HIVEP1: variants seen among roughly 807,000 people sequenced by gnomAD.
The protein encoded by HIVEP1 is zinc finger protein 40.
Under a neutral mutation model 180.0 loss-of-function variants are expected in HIVEP1, and 36 were observed. That is an observed-to-expected ratio of 0.20 (90% confidence interval 0.15 to 0.26). The LOEUF (loss-of-function observed/expected upper bound fraction) is 0.26, where lower values mean the gene tolerates loss of function less well. Ranked by LOEUF, HIVEP1 falls within the 10% of genes least tolerant of loss-of-function variation. The pLI, the probability that HIVEP1 is intolerant of heterozygous loss-of-function variation, is 1.00. For missense variants in HIVEP1, 3,143 were observed against 3,268.7 expected, an observed-to-expected ratio of 0.96 and a Z score of 0.94; for synonymous variants, 1,239 against 1,239.0, an observed-to-expected ratio of 1.00 and a Z score of 0.00.
chr6:12,036,542 A>C (rs1224352336), intron 2 of HIVEP1, among the ~76,000 whole-genome samples: 1 of 152,188 alleles, frequency 6.6e-6, no homozygotes, highest in African/African-American at 2.4e-5. Context: ...CCAGGGATGC[A>C]CAGCCCCTTG....
chr6:12,147,643 A>G (rs1464120381), intron 7 of HIVEP1, among the ~76,000 whole-genome samples: 1 of 152,158 alleles, frequency 6.6e-6, no homozygotes. Flanking sequence ...AATAATACTA[A>G]TACTCCCACA....
At chr6:12,071,864 T>G (rs1771991055) in intron 2 of HIVEP1, among the ~76,000 whole-genome samples, 1 of 152,234 alleles carries the variant, frequency 6.6e-6, no homozygotes, top group South Asian at 2.1e-4. Flanking sequence ...GTAATCTGTT[T>G]TATTTATACA....
chr6:12,187,127 A>G, the HIVEP1 span, among the ~76,000 whole-genome samples: 1 of 152,182 alleles, frequency 6.6e-6, no homozygotes, highest in African/African-American at 2.4e-5. Flanking sequence ...GGTTGGTTGA[A>G]ATATTATCAA....
At chr6:12,012,734 G>A in intron 1 of HIVEP1, 168 bp downstream of exon 1, 1 of 152,592 alleles carries the variant, frequency 6.6e-6, no homozygotes, top group South Asian at 2.1e-4. Flanking sequence ...GGGGATGGCT[G>A]CGTGCGGGAG....
intron 7 of HIVEP1, 24 bp downstream of exon 7, chr6:12,135,916 C>A: frequency 1.4e-6 from 2 of 1,429,550 alleles, no homozygotes; most frequent in Non-Finnish European, 2.0e-6. Context: ...CCATATTTTT[C>A]ATAAATGCTA....
At chr6:12,016,578 A>G (rs1767764702) in intron 2 of HIVEP1, among the ~76,000 whole-genome samples, 1 of 152,180 alleles carries the variant, frequency 6.6e-6, no homozygotes, top group Admixed American at 6.5e-5. Flanking sequence ...TGATCTTTGA[A>G]AATGCAGTCA....
chr6:12,010,148 A>C (rs892088020), upstream of HIVEP1, among the ~76,000 whole-genome samples: 1 of 152,242 alleles, frequency 6.6e-6, no homozygotes, highest in Non-Finnish European at 1.5e-5. Context: ...AACCTATTGG[A>C]TATCATTTCA....
rs762343544 is a variant in HIVEP1, at chr6:12,125,363, G to A, written c.5568G>A (p.Gln1856=). The change falls in exon 4 of 9, where the codon CAG becomes CAA. Residue 1856 remains glutamine, a synonymous_variant. Transcript: ENST00000379388. ...FVVIEPISEL[Q]EFENIKSSTS... ...TTATAGAACCTATAAGTGAATTGCA[G>A]GAATTTGAAAACATCAAGTCATCCA... The A allele has an allele frequency of 1.2e-6, 2 of 1,613,994 alleles. No homozygotes were observed. The highest frequency in any genetic ancestry group is 2.2e-5 in the East Asian group (1 of 44,898).
chr6:12,032,139 C>CTTTT (rs71877836), intron 2 of HIVEP1, among the ~76,000 whole-genome samples: 7 of 133,724 alleles, frequency 5.2e-5, no homozygotes, highest in Admixed American at 1.5e-4. Context: ...CACTGATAAC[C>CTTTT]TTTTTTTTTT....
intron 8 of HIVEP1, among the ~76,000 whole-genome samples, chr6:12,162,763 A>T (rs16872341): frequency 0.037 from 5,705 of 152,276 alleles, 119 homozygotes; most frequent in Non-Finnish European, 0.046. Context: ...CATTTCATAA[A>T]CTTGCAAGTG....
chr6:12,112,513 G>C (rs1209994236), intron 3 of HIVEP1, among the ~76,000 whole-genome samples: 1 of 151,878 alleles, frequency 6.6e-6, no homozygotes, highest in Non-Finnish European at 1.5e-5. Context: ...GAAAATTCTT[G>C]GCCATTATTT....
At chr6:12,126,915 A>G (rs7765034) in intron 4 of HIVEP1, among the ~76,000 whole-genome samples, 6,253 of 152,126 alleles carry the variant, frequency 0.041, 407 homozygotes, top group African/African-American at 0.14. Context: ...CTGGAGTGCA[A>G]TGGTGCGCTC....
chr6:12,051,763 G>C (rs572751729), intron 2 of HIVEP1, among the ~76,000 whole-genome samples: 1 of 151,754 alleles, frequency 6.6e-6, no homozygotes, highest in Non-Finnish European at 1.5e-5. Flanking sequence ...ATTTGTTTTT[G>C]TTTCTTTTTA....
rs776379347 is a variant in HIVEP1 at position 12,124,859 on chromosome 6, A to G, written c.5064A>G (p.Thr1688=). 19 of 1,614,240 alleles carry G rather than the reference A, an allele frequency of 1.2e-5. No homozygotes were observed. The highest frequency in any genetic ancestry group is 3.3e-4 in the Middle Eastern group (2 of 6,062). ...PISEEQNSVP[T]LQKGHQNALP... is the part of the protein sequence containing the mutation. ...GTGAAGAACAAAATTCTGTGCCAACATTACAAAAAGGTCATCAGAATGCTT... is the reference window on the plus strand; with the variant it reads ...GTGAAGAACAAAATTCTGTGCCAACGTTACAAAAAGGTCATCAGAATGCTT... The change falls in exon 4 of 9, where the codon ACA becomes ACG. Residue 1688 remains threonine, a synonymous_variant. Transcript: ENST00000379388.
chr6:12,138,838 TC>T (rs1306002668), intron 7 of HIVEP1, among the ~76,000 whole-genome samples: 1 of 151,802 alleles, frequency 6.6e-6, no homozygotes, highest in Admixed American at 6.6e-5. Context: ...CCCATAGTCT[TC>T]CGCCATCCTT....
At chr6:12,153,347 C>T (rs1759816147) in intron 7 of HIVEP1, among the ~76,000 whole-genome samples, 1 of 152,086 alleles carries the variant, frequency 6.6e-6, no homozygotes, top group South Asian at 2.1e-4. Flanking sequence ...TTAGCTGTGA[C>T]ATTTATGAGC....
At chr6:12,015,708 A>C in intron 2 of HIVEP1, 40 bp downstream of exon 2, 1 of 1,570,262 alleles carries the variant, frequency 6.4e-7, no homozygotes, top group South Asian at 1.1e-5. Flanking sequence ...CTTGCTGTAA[A>C]TCTTTTAACA....
intron 2 of HIVEP1, among the ~76,000 whole-genome samples, chr6:12,056,132 T>A (rs1886981): frequency 0.25 from 37,762 of 151,938 alleles, 4,773 homozygotes; most frequent in East Asian, 0.37. Context: ...AAAAAAAGAT[T>A]AATGAAGAAG....
At chr6:12,151,757 G>A (rs1410294211) in intron 7 of HIVEP1, among the ~76,000 whole-genome samples, 1 of 152,140 alleles carries the variant, frequency 6.6e-6, no homozygotes, top group Non-Finnish European at 1.5e-5. Flanking sequence ...TGTGACTGTA[G>A]CACAAAAGCA....
Sources: allele counts gnomAD v4.1 joint callset (sites outside exome capture counted in the v4.1 genomes callset), GRCh38; gene constraint gnomAD v4.1.1; transcripts MANE v1.5; gene names NCBI Gene and HGNC (gene_info 2026-07-23, HGNC 2026-07-21).